The following FOXP2 variants were observed in gnomAD, a reference collection of about 807,000 sequenced individuals.
FOXP2 encodes the protein forkhead box P2.
Under a neutral mutation model 115.8 loss-of-function variants are expected in FOXP2, and 12 were observed. The ratio of observed to expected loss-of-function variants is 0.10; its 90% CI spans 0.07 to 0.17. The LOEUF (loss-of-function observed/expected upper bound fraction) is 0.17, where lower values mean the gene tolerates loss of function less well. FOXP2 is among the 10% of genes least tolerant of loss of function. The probability of loss-of-function intolerance (pLI) is 1.00; values close to 1 mark genes in which losing one functional copy is unlikely to be tolerated. For missense variants in FOXP2, 629 were observed against 843.5 expected (o/e 0.75, Z 3.15); for synonymous variants, 328 against 297.7 (o/e 1.10, Z -1.05).
chr7:114,360,214 T>G (rs1030096538), intron 2 of FOXP2, among the ~76,000 whole-genome samples: 11 of 152,140 alleles, frequency 7.2e-5, no homozygotes, highest in Admixed American at 2.0e-4. Context: ...AAGACCTACC[T>G]TTGCTCCTCC....
At chr7:114,161,582 T>C (rs1792832705), upstream of FOXP2, among the ~76,000 whole-genome samples, 1 of 151,990 alleles carries the variant, frequency 6.6e-6, no homozygotes, top group South Asian at 2.1e-4. Context: ...GTTAAGTTTA[T>C]GAGCAAAAAC....
intron 3 of FOXP2, among the ~76,000 whole-genome samples, chr7:114,588,084 C>A (rs942817838): frequency 2.0e-5 from 3 of 151,506 alleles, no homozygotes; most frequent in African/African-American, 4.8e-5. Context: ...CCGAGGTGAG[C>A]GGATCACGAG....
At chr7:114,513,457 G>A (rs1798174010) in intron 2 of FOXP2, among the ~76,000 whole-genome samples, 1 of 152,202 alleles carries the variant, frequency 6.6e-6, no homozygotes, top group East Asian at 1.9e-4. Flanking sequence ...TAAAAAAATA[G>A]ATATTCTTAG....
At chr7:114,686,648 T>A (rs1808378361) in intron 16 of FOXP2, among the ~76,000 whole-genome samples, 1 of 152,194 alleles carries the variant, frequency 6.6e-6, no homozygotes, top group African/African-American at 2.4e-5. Flanking sequence ...TTTCTCAAGA[T>A]TGGTAAACAT....
chr7:114,604,709 G>T (rs73438598), intron 3 of FOXP2, among the ~76,000 whole-genome samples: 1,739 of 152,100 alleles, frequency 0.011, 31 homozygotes, highest in African/African-American at 0.039. Context: ...GCCTCTATTT[G>T]CTCTCAAATG....
At chr7:114,291,665 G>T (rs899571106) in intron 2 of FOXP2, among the ~76,000 whole-genome samples, 5 of 151,094 alleles carry the variant, frequency 3.3e-5, no homozygotes, top group African/African-American at 1.2e-4. Context: ...CGGGTTTTTG[G>T]CTGAATTCAG....
chr7:114,689,669 A>G lies in FOXP2; in HGVS notation c.2004-113A>G. On this transcript the variant is annotated intron_variant, in intron 16 of 16. Coordinates refer to ENST00000350908, the MANE Select transcript of FOXP2 (RefSeq NM_014491.4). ...AATCAATCAGATGCCCTTTTAAGAA[A>G]GACAATGTTGTGTCTTCTTGCCTTT... 3 of 1,047,172 alleles carry G rather than the reference A, an allele frequency of 2.9e-6. No homozygotes were observed. The South Asian group carries it at 4.0e-5, about 14-fold the overall frequency. 64.9% of individuals were successfully genotyped at this position (1,047,172 alleles called of 1,614,324 possible).
In FOXP2 at chr7:114,146,478, C is replaced by T. The variant is rs905332953; in HGVS notation, c.-246-16466C>T. 6.6e-5 allele frequency among the ~76,000 whole-genome samples: 10 copies of T among 152,042 alleles called. 1 individual carries two copies. ...TAAATGAATGAGTCACTCTGTTAAT[C>T]AGTACAGGCAATGGTAGATTGAGGA... On this transcript the variant is annotated intron_variant, in intron 1 of 19. Coordinates refer to the FOXP2 transcript ENST00000635638.
chr7:114,444,063 T>C (rs1167507851), intron 2 of FOXP2, among the ~76,000 whole-genome samples: 1 of 152,148 alleles, frequency 6.6e-6, no homozygotes, highest in Non-Finnish European at 1.5e-5. Flanking sequence ...ACGTTTTAAA[T>C]CCTAAGCTAG....
chr7:114,300,311 A>T (rs1007444705), intron 2 of FOXP2, among the ~76,000 whole-genome samples: 1 of 152,120 alleles, frequency 6.6e-6, no homozygotes, highest in Non-Finnish European at 1.5e-5. Context: ...ATTTAGATAA[A>T]TGAATAATGC....
intron 2 of FOXP2, among the ~76,000 whole-genome samples, chr7:114,517,276 A>G (rs955253617): frequency 6.6e-6 from 1 of 152,092 alleles, no homozygotes; most frequent in Non-Finnish European, 1.5e-5. Context: ...ATTTGCAAAT[A>G]TATTCTCCCA....
At chr7:114,154,970 G>A (rs998369188) in intron 1 of FOXP2, among the ~76,000 whole-genome samples, 2 of 152,044 alleles carry the variant, frequency 1.3e-5, no homozygotes, top group African/African-American at 2.4e-5. Context: ...CGTTATGTCA[G>A]GTACCAATCT....
intron 2 of FOXP2, among the ~76,000 whole-genome samples, chr7:114,514,601 A>T (rs1303783957): frequency 2.6e-5 from 4 of 151,674 alleles, no homozygotes; most frequent in Non-Finnish European, 5.9e-5. Flanking sequence ...TTTTTTTTAG[A>T]GCTGAATAGT....
chr7:114,278,643 C>T (rs944823984), intron 1 of FOXP2, among the ~76,000 whole-genome samples: 2 of 152,154 alleles, frequency 1.3e-5, no homozygotes, highest in African/African-American at 2.4e-5. Flanking sequence ...CGTGAGCCAC[C>T]GCACTGACCT....
intron 2 of FOXP2, among the ~76,000 whole-genome samples, chr7:114,444,523 T>A (rs1419893212): frequency 6.6e-6 from 1 of 152,202 alleles, no homozygotes; most frequent in Non-Finnish European, 1.5e-5. Flanking sequence ...ATTGGACTTA[T>A]CCTTTCTTTC....
intron 3 of FOXP2, among the ~76,000 whole-genome samples, chr7:114,554,715 C>G (rs1049005578): frequency 6.6e-6 from 1 of 152,112 alleles, no homozygotes; most frequent in Admixed American, 6.5e-5. Flanking sequence ...TAGATCTAAA[C>G]TGTCAATAAA....
chr7:114,116,480 T>G (rs1791411112), intron 1 of FOXP2, among the ~76,000 whole-genome samples: 1 of 152,148 alleles, frequency 6.6e-6, no homozygotes, highest in Non-Finnish European at 1.5e-5. Context: ...GTATTACATT[T>G]AGAAATTGAA....
chr7:114,434,744 T>C (rs913608454), intron 2 of FOXP2, among the ~76,000 whole-genome samples: 1 of 152,134 alleles, frequency 6.6e-6, no homozygotes. Context: ...ACTGTCAAAT[T>C]AATACTTTCC....
At chr7:114,337,514 A>G (rs1369942153) in intron 2 of FOXP2, among the ~76,000 whole-genome samples, 1 of 151,250 alleles carries the variant, frequency 6.6e-6, no homozygotes, top group Non-Finnish European at 1.5e-5. Flanking sequence ...TATTATAACT[A>G]AATTTAAAAC....
Sources: gnomAD v4.1 joint callset for allele counts (sites outside exome capture counted in the v4.1 genomes callset) on GRCh38, gnomAD v4.1.1 for gene constraint, MANE v1.5 for transcripts, NCBI Gene and HGNC (gene_info 2026-07-23, HGNC 2026-07-21) for gene names.